ELANE: variants seen among roughly 807,000 people sequenced by gnomAD.
ELANE encodes elastase, neutrophil expressed.
Under a neutral mutation model 20.6 loss-of-function variants are expected in ELANE, and 12 were observed. The ratio of observed to expected loss-of-function variants is 0.58; its 90% confidence interval spans 0.37 to 0.94. ELANE has a LOEUF of 0.94. ELANE is among the 40% of genes least tolerant of loss of function. The probability of loss-of-function intolerance (pLI) is 0.01; values close to 1 mark genes in which losing one functional copy is unlikely to be tolerated. For missense variants in ELANE, 388 were observed against 395.2 expected (o/e 0.98, Z 0.15); for synonymous variants, 203 against 177.4 (o/e 1.14, Z -1.15).
chr19:853,523 G>C, intron 3 of ELANE, 120 bp downstream of exon 3: 2 of 1,234,100 alleles, frequency 1.6e-6, no homozygotes, highest in Non-Finnish European at 2.3e-6. Flanking sequence ...ATCGTGGGCT[G>C]GGTGGTCCCC....
At position 853,384 on chromosome 19, in the gene ELANE, A is replaced by G. The variant is rs1196145112; in HGVS notation, c.347A>G (p.Asn116Ser). Residue 116 changes from asparagine (N) to serine (S), a missense_variant, in exon 3 of 5, where the codon AAC (asparagine) becomes AGC (serine). Physicochemically the swap from Asn to Ser is conservative, Grantham distance 46. This residue lies in a region of ELANE where 321 missense variants were observed against 309.8 expected (regional missense o/e 1.04). Transcript: ENST00000263621. Reference protein sequence around the residue: ...ENGYDPVNLLNDIVILQLNGS... With the variant: ...ENGYDPVNLLSDIVILQLNGS... ...GGCTACGACCCCGTAAACTTGCTCAACGACATCGTGATTCTCCAGGTGCCG... is the reference window on the plus strand; with the variant it reads ...GGCTACGACCCCGTAAACTTGCTCAGCGACATCGTGATTCTCCAGGTGCCG... 5.0e-6 allele frequency: 8 copies of G among 1,609,834 alleles called. No homozygotes were observed. The Admixed American group carries it at 8.4e-5, about 17-fold the overall frequency.
In ELANE at chr19:853,261, G is replaced by A. The variant is rs1241337454; in HGVS notation, c.225-1G>A. 6.3e-7 allele frequency: 1 copy of A among 1,596,908 alleles called. No homozygotes were observed. Among genetic ancestry groups the A allele is most frequent in the African/African-American group, 1.3e-5 (1 of 74,234 alleles). On this transcript the variant is annotated splice_acceptor_variant, in intron 2 of 4. Transcript: ENST00000263621. LOFTEE classifies it high-confidence loss of function. ...GAGCCCCGCCTCTCCCTCCCCGGCA[G>A]AAACGTCCGCGCGGTGCGGGTGGTC... is the stretch of plus-strand genomic sequence containing the variant.
chr19:855,551 C>T lies in ELANE; in HGVS notation c.367-13C>T, dbSNP rs1203647277. 2 of 1,598,226 alleles carry T rather than the reference C, an allele frequency of 1.3e-6. No homozygotes were observed. The highest frequency in any genetic ancestry group is 1.7e-5 in the Admixed American group (1 of 59,964). On this transcript the variant is annotated splice_polypyrimidine_tract_variant and intron_variant, in intron 3 of 4. Transcript: ENST00000263621. The surrounding 1 kb of genome is among the most constrained non-coding windows in gnomAD (Gnocchi z 6.2). The stretch of plus-strand genomic sequence containing the variant: ...CCGTGTGACGCGCTGACGATCTGTC[C>T]CCACCGCCACAGCTCAACGGGTCGG...
At chr19:853,112 G>A in intron 2 of ELANE, 80 bp downstream of exon 2, 1 of 1,497,466 alleles carries the variant, frequency 6.7e-7, no homozygotes, top group South Asian at 1.2e-5. Context: ...GCCGGGGCCG[G>A]GGCTGCTGGC....
chr19:855,673 T>G lies in ELANE; in HGVS notation c.476T>G (p.Leu159Arg), dbSNP rs766413616. ...VQCLAMGWGLLGRNRGIASVL... is the reference protein window; with the variant it reads ...VQCLAMGWGLRGRNRGIASVL... ...TGCCTGGCCATGGGCTGGGGCCTTC[T>G]GGGCAGGAACCGTGGGATCGCCAGC... The change falls in exon 4 of 5, where the codon CTG becomes CGG. Residue 159 changes from leucine (L) to arginine (R), a missense_variant. Transcript: ENST00000263621. The surrounding 1 kb of genome is among the most constrained non-coding windows in gnomAD (Gnocchi z 6.2). 5 of 1,608,706 alleles carry G rather than the reference T, an allele frequency of 3.1e-6. No homozygotes were observed. The Admixed American group carries it at 8.3e-5, about 27-fold the overall frequency.
rs780340448 is a variant in ELANE, at chr19:853,027, G to A, written c.219G>A (p.Ala73=). ...NFVMSAAHCV[A]NVNVRAVRVV... ...TCATGTCGGCCGCGCACTGCGTGGCGAATGTGTGAGTAGCCGGGAGTGTGC... is the reference window on the plus strand; with the variant it reads ...TCATGTCGGCCGCGCACTGCGTGGCAAATGTGTGAGTAGCCGGGAGTGTGC... Residue 73 remains alanine (A), a synonymous_variant, in exon 2 of 5, where the codon GCG becomes GCA. Coordinates refer to ENST00000263621, the MANE Select transcript of ELANE (RefSeq NM_001972.4). 5.8e-6 allele frequency: 9 copies of A among 1,559,352 alleles called. No individual in the cohort carries two copies. In the East Asian group the frequency reaches 1.9e-4, roughly 33 times the overall value.
intron 2 of ELANE, 41 bp from the exon 3 acceptor site, chr19:853,221 C>A (rs532963460): frequency 1.3e-6 from 2 of 1,552,904 alleles, no homozygotes; most frequent in African/African-American, 1.4e-5. Context: ...AGCCCCGACC[C>A]CCGGGGCCGC....
At position 855,044 on chromosome 19, in the gene ELANE, G is replaced by A. The variant is rs369455827; in HGVS notation, c.367-520G>A. ...AATTTTTGGTATTGTTAGTAGAGAC[G>A]GGGTTTAACCATGTTAGCCAGGATG... On this transcript the variant is annotated intron_variant, in intron 3 of 4. Transcript: ENST00000263621. The surrounding 1 kb of genome is among the most constrained non-coding windows in gnomAD (Gnocchi z 6.2). Among the ~76,000 whole-genome samples the A allele has an allele frequency of 1.2e-3, 180 of 151,942 alleles. 5 individuals carry two copies. The South Asian group carries it at 0.037, about 31-fold the overall frequency.
At position 852,356 on chromosome 19, in the gene ELANE, C is replaced by T; in HGVS notation, c.28C>T (p.Leu10Phe). Residue 10 changes from leucine (L) to phenylalanine (F), a missense_variant, in exon 1 of 5, where the codon CTT becomes TTT. Around this residue, in one of 3 missense-constraint regions of ELANE, gnomAD observed 58 missense variants for 56.7 expected, o/e 1.02. Coordinates refer to ENST00000263621, the MANE Select transcript of ELANE (RefSeq NM_001972.4). MTLGRRLAC[L>F]FLACVLPALL... The stretch of plus-strand genomic sequence containing the variant: ...GACCCTCGGCCGCCGACTCGCGTGT[C>T]TTTTCCTCGCCTGTGTCCTGCCGGC... The T allele has an allele frequency of 1.2e-6, 2 of 1,611,368 alleles. No individual in the cohort carries two copies. Among genetic ancestry groups the T allele is most frequent in the Non-Finnish European group, 1.7e-6 (2 of 1,179,944 alleles).
At position 856,182 on chromosome 19, in the gene ELANE, A is replaced by G; in HGVS notation, c.*18A>G. The G allele has an allele frequency of 6.2e-7, 1 of 1,612,406 alleles. No homozygotes were observed. The stretch of plus-strand genomic sequence containing the variant: ...CCCACTGAGAAGGGCTGCCCGGGTC[A>G]CCTCAGCTGCCCACACCCACACTCT... On this transcript the variant is annotated 3_prime_UTR_variant, in exon 5 of 5. Coordinates refer to ENST00000263621, the MANE Select transcript of ELANE (RefSeq NM_001972.4).
At chr19:853,221 C>T (rs532963460) in intron 2 of ELANE, 41 bp from the exon 3 acceptor site, 1 of 1,552,798 alleles carries the variant, frequency 6.4e-7, no homozygotes, top group Non-Finnish European at 8.7e-7. Context: ...AGCCCCGACC[C>T]CCGGGGCCGC....
chr19:852,399 A>T lies in ELANE; in HGVS notation c.67+4A>T. On this transcript the variant is annotated splice_donor_region_variant and intron_variant, in intron 1 of 4. Transcript: ENST00000263621. ...CTGCCGGCCTTGCTGCTGGGGGGTG[A>T]GTTTTTGAGTCCAACCTCCCGCTGC... 6.2e-7 allele frequency: 1 copy of T among 1,610,478 alleles called. No individual in the cohort carries two copies. Among genetic ancestry groups the T allele is most frequent in the East Asian group, 2.2e-5 (1 of 44,794 alleles).
At chr19:854,583 T>A (rs969892495) in intron 3 of ELANE, among the ~76,000 whole-genome samples, 1 of 150,588 alleles carries the variant, frequency 6.6e-6, no homozygotes, top group African/African-American at 2.4e-5. Context: ...CAGCTTGGAA[T>A]GGGGGGTAGC....
intron 3 of ELANE, among the ~76,000 whole-genome samples, chr19:854,621 C>A (rs868234192): frequency 1.2e-4 from 18 of 148,914 alleles, no homozygotes; most frequent in African/African-American, 4.4e-4. Context: ...CCACGTGGGT[C>A]CACCACGTCT....
chr19:853,087 G>A (rs1414356913), intron 2 of ELANE, 55 bp downstream of exon 2: 2 of 1,522,508 alleles, frequency 1.3e-6, no homozygotes, highest in Non-Finnish European at 8.8e-7. Flanking sequence ...CGGTCTGTGA[G>A]GTGGGTGGGG....
In ELANE at chr19:855,692, C is replaced by G. The variant is rs200923638; in HGVS notation, c.495C>G (p.Ile165Met). ...GCCTTCTGGGCAGGAACCGTGGGAT[C>G]GCCAGCGTCCTGCAGGAGCTCAACG... ...GWGLLGRNRG[I>M]ASVLQELNVT... Residue 165 changes from isoleucine to methionine, a missense_variant, in exon 4 of 5, where the codon ATC becomes ATG. By Grantham distance (10) the Ile-to-Met change is conservative (BLOSUM62 1). This residue lies in a region of ELANE where 321 missense variants were observed against 309.8 expected (regional missense o/e 1.04). Transcript: ENST00000263621. This position sits in a 1 kb window ranked among gnomAD's most constrained non-coding sequence, Gnocchi z 6.2. 1.2e-6 allele frequency: 2 copies of G among 1,609,570 alleles called. No homozygotes were observed. Among genetic ancestry groups the G allele is most frequent in the Admixed American group, 1.7e-5 (1 of 60,022 alleles).
In ELANE at chr19:853,046, A is replaced by G. The variant is rs774134342; in HGVS notation, c.224+14A>G. 2 of 1,449,804 alleles carry G rather than the reference A, an allele frequency of 1.4e-6. No individual in the cohort carries two copies. Among genetic ancestry groups the G allele is most frequent in the Non-Finnish European group, 1.8e-6 (2 of 1,092,984 alleles). The allele number at this position is 1,449,804 out of a possible 1,614,324, so 89.8% of individuals were successfully genotyped here. A position where few individuals can be genotyped will look rare whatever the true frequency, so the allele number is the denominator to read the frequency against. The stretch of plus-strand genomic sequence containing the variant: ...CGTGGCGAATGTGTGAGTAGCCGGG[A>G]GTGTGCGCGCCCGGCTCGGACCCCG... On this transcript the variant is annotated intron_variant, in intron 2 of 4. Transcript: ENST00000263621.
intron 3 of ELANE, among the ~76,000 whole-genome samples, chr19:853,624 G>A (rs1020615569): frequency 3.3e-5 from 5 of 152,134 alleles, no homozygotes; most frequent in African/African-American, 7.2e-5. Flanking sequence ...GGGAGGCCCC[G>A]ATCTGCTGTC....
rs202147367 is a variant in ELANE at position 852,883 on chromosome 19, G to A, written c.75G>A (p.Ala25=). The A allele has an allele frequency of 6.3e-6, 10 of 1,595,676 alleles. No individual in the cohort carries two copies. The highest frequency in any genetic ancestry group is 8.5e-6 in the Non-Finnish European group (10 of 1,177,112). Residue 25 remains alanine (A), a synonymous_variant, in exon 2 of 5, where the codon GCG becomes GCA. Transcript: ENST00000263621. ...VLPALLLGGT[A]LASEIVGGRR... ...CACCCGGTGTGTCCCCAGGCACCGCGCTGGCCTCGGAGATTGTGGGGGGCC... is the reference window on the plus strand; with the variant it reads ...CACCCGGTGTGTCCCCAGGCACCGCACTGGCCTCGGAGATTGTGGGGGGCC...
Sources: allele counts gnomAD v4.1 joint callset (sites outside exome capture counted in the v4.1 genomes callset), GRCh38; gene constraint gnomAD v4.1.1; regional missense constraint gnomAD v4.1.1; non-coding constraint Gnocchi (gnomAD v3.1); transcripts MANE v1.5; gene names NCBI Gene and HGNC (gene_info 2026-07-23, HGNC 2026-07-21).